Variants in ARB2A observed in about 807,000 individuals in gnomAD.
The protein encoded by ARB2A is cotranscriptional regulator ARB2A.
chr5:94,018,451 T>A, the ARB2A span, among the ~76,000 whole-genome samples: 2 of 152,204 alleles, frequency 1.3e-5, no homozygotes, highest in African/African-American at 4.8e-5. Context: ...GGACTTGGTG[T>A]AGGTCTCCAC....
chr5:93,714,279 T>C, the ARB2A span, among the ~76,000 whole-genome samples: 1 of 152,218 alleles, frequency 6.6e-6, no homozygotes, highest in African/African-American at 2.4e-5. Flanking sequence ...TAAATGCATC[T>C]GAACTCCTTT....
At chr5:93,820,568 T>C in the ARB2A span, among the ~76,000 whole-genome samples, 1 of 152,208 alleles carries the variant, frequency 6.6e-6, no homozygotes, top group African/African-American at 2.4e-5. Flanking sequence ...ATGAATTTGG[T>C]AAATGCATTC....
chr5:93,920,651 T>C, the ARB2A span, among the ~76,000 whole-genome samples: 1 of 152,152 alleles, frequency 6.6e-6, no homozygotes, highest in Non-Finnish European at 1.5e-5. Flanking sequence ...AAAATTAAAA[T>C]TTATCAAAAC....
At chr5:93,763,755 G>C in the ARB2A span, among the ~76,000 whole-genome samples, 1 of 151,974 alleles carries the variant, frequency 6.6e-6, no homozygotes, top group East Asian at 1.9e-4. Flanking sequence ...TTTTTTTTCA[G>C]CACCGCAGCA....
the ARB2A span, among the ~76,000 whole-genome samples, chr5:94,031,683 C>T: frequency 6.6e-6 from 1 of 152,196 alleles, no homozygotes; most frequent in Non-Finnish European, 1.5e-5. Context: ...CAGGTACTAA[C>T]CATCAAAGCA....
At chr5:93,752,476 A>G in the ARB2A span, among the ~76,000 whole-genome samples, 3 of 152,204 alleles carry the variant, frequency 2.0e-5, no homozygotes, top group African/African-American at 7.2e-5. Flanking sequence ...TCAGGAAAGG[A>G]GAGTTGCCAC....
chr5:93,817,363 C>T, the ARB2A span, among the ~76,000 whole-genome samples: 33 of 152,112 alleles, frequency 2.2e-4, 1 homozygote, highest in African/African-American at 7.2e-4. Flanking sequence ...CCCATTGTCA[C>T]GGATTAGAAG....
chr5:94,094,912 A>G, the ARB2A span, among the ~76,000 whole-genome samples: 1 of 152,222 alleles, frequency 6.6e-6, no homozygotes, highest in Non-Finnish European at 1.5e-5. Context: ...AGGAGCAAAG[A>G]AAAGGTGCAC....
the ARB2A span, among the ~76,000 whole-genome samples, chr5:94,011,416 T>TA: frequency 2.6e-5 from 4 of 152,212 alleles, no homozygotes; most frequent in African/African-American, 9.6e-5. Context: ...CACAAGAATG[T>TA]AATCTCTGTG....
chr5:93,903,175 T>C, the ARB2A span, among the ~76,000 whole-genome samples: 3 of 152,092 alleles, frequency 2.0e-5, no homozygotes, highest in Non-Finnish European at 4.4e-5. Context: ...GCAAACGTAT[T>C]TGGACATTTG....
At chr5:93,741,564 G>T in the ARB2A span, 1 of 1,538,674 alleles carries the variant, frequency 6.5e-7, no homozygotes, top group Non-Finnish European at 8.7e-7. Flanking sequence ...GTCCGGCCAT[G>T]GGTGGAATGG....
the ARB2A span, among the ~76,000 whole-genome samples, chr5:93,684,692 C>T: frequency 6.6e-6 from 1 of 152,184 alleles, no homozygotes; most frequent in African/African-American, 2.4e-5. Flanking sequence ...GATCCAGTCA[C>T]ACAGTCCCTT....
At chr5:93,830,312 T>G in the ARB2A span, among the ~76,000 whole-genome samples, 12 of 43,278 alleles carry the variant, frequency 2.8e-4, no homozygotes, top group African/African-American at 2.1e-3. Context: ...TGTGTGTGTG[T>G]ATATATATAT....
the ARB2A span, among the ~76,000 whole-genome samples, chr5:93,757,067 A>T: frequency 6.6e-6 from 1 of 152,218 alleles, no homozygotes; most frequent in East Asian, 1.9e-4. Flanking sequence ...ACACACTTTG[A>T]GAAATGTGAA....
At chr5:93,912,627 T>A in the ARB2A span, among the ~76,000 whole-genome samples, 2 of 151,738 alleles carry the variant, frequency 1.3e-5, no homozygotes, top group Admixed American at 1.3e-4. Context: ...ATTCCCATGA[T>A]AAACAAAAAA....
chr5:93,823,288 C>CTTTA, the ARB2A span, among the ~76,000 whole-genome samples: 1 of 152,120 alleles, frequency 6.6e-6, no homozygotes, highest in Non-Finnish European at 1.5e-5. Context: ...GCATCTAAAA[C>CTTTA]AGACAGAATT....
chr5:93,769,213 T>C, the ARB2A span, among the ~76,000 whole-genome samples: 1 of 152,156 alleles, frequency 6.6e-6, no homozygotes. Flanking sequence ...GTGAAACTTT[T>C]AGTCAAAAGA....
the ARB2A span, chr5:93,776,288 A>ACT: frequency 6.6e-7 from 1 of 1,507,288 alleles, no homozygotes; most frequent in Non-Finnish European, 9.1e-7. Flanking sequence ...AATTTAAGCC[A>ACT]AGATGGAATT....
chr5:93,832,198 T>C, the ARB2A span, among the ~76,000 whole-genome samples: 2 of 152,116 alleles, frequency 1.3e-5, no homozygotes, highest in Admixed American at 6.5e-5. Flanking sequence ...CTTTGGAATA[T>C]GGCGTGTTAA....
Sources: allele counts gnomAD v4.1 joint callset (sites outside exome capture counted in the v4.1 genomes callset), GRCh38; gene constraint gnomAD v4.1.1; transcripts MANE v1.5; gene names NCBI Gene and HGNC (gene_info 2026-07-23, HGNC 2026-07-21).